The following IQCJ variants were observed in gnomAD, a reference collection of about 807,000 sequenced individuals.
IQCJ encodes the protein IQ motif containing J.
Under a neutral mutation model 11.0 loss-of-function variants are expected in IQCJ, and 9 were observed. That is an observed-to-expected ratio of 0.82 (90% CI 0.49 to 1.43). IQCJ has a LOEUF of 1.43. Ranked by LOEUF, IQCJ falls within the 40% of genes most tolerant of loss-of-function variation. IQCJ has a pLI of 0.00. For missense variants in IQCJ, 146 were observed against 133.2 expected, an observed-to-expected ratio of 1.10 and a Z score of -0.47; for synonymous variants, 55 against 51.3, an observed-to-expected ratio of 1.07 and a Z score of -0.31.
intron 1 of IQCJ, among the ~76,000 whole-genome samples, chr3:159,094,241 G>T (rs981110273): frequency 6.6e-6 from 1 of 150,700 alleles, no homozygotes; most frequent in Non-Finnish European, 1.5e-5. Context: ...TGGCCTCAAG[G>T]TTCTTATGTT....
At chr3:159,158,532 A>G (rs1204745145) in intron 1 of IQCJ, among the ~76,000 whole-genome samples, 1 of 152,230 alleles carries the variant, frequency 6.6e-6, no homozygotes, top group Non-Finnish European at 1.5e-5. Context: ...TGCCAGCATT[A>G]TGATTAGTAC....
chr3:159,091,674 GCACACACACACA>G lies in IQCJ; in HGVS notation c.9+22263_9+22274del, dbSNP rs1170628138. On this transcript the variant is annotated intron_variant, in intron 1 of 3. Transcript: ENST00000397832. ...CACACACACACACACACACACGCATGCACACACACACACACACACACACACACACACACACAC... is the reference window on the plus strand; with the variant it reads ...CACACACACACACACACACACGCATGCACACACACACACACACACACACAC... Among the ~76,000 whole-genome samples, 209 of 81,302 alleles carry G rather than the reference GCACACACACACA, an allele frequency of 2.6e-3. 3 individuals are homozygous for G. The highest frequency in any genetic ancestry group is 7.6e-3 in the South Asian group (27 of 3,552). The allele number at this position is 81,302 out of a possible 152,430, so 53.3% of individuals were successfully genotyped here. A position where few individuals can be genotyped will look rare whatever the true frequency, so the allele number is the denominator to read the frequency against.
rs2108214533 is a variant in IQCJ at position 159,252,644 on chromosome 3, C to G, written c.75-83C>G. ...AATTGAATCTACATCTTATTTTACA[C>G]ATAAGTATAAATTAGCAGTATTATT... On this transcript the variant is annotated intron_variant, in intron 2 of 3. Coordinates refer to ENST00000397832, the MANE Select transcript of IQCJ (RefSeq NM_001042706.3). 3 of 1,198,486 alleles carry G rather than the reference C, an allele frequency of 2.5e-6. No individual in the cohort carries two copies. The South Asian group carries it at 5.4e-5, about 22-fold the overall frequency. 74.2% of individuals were successfully genotyped at this position (1,198,486 alleles called of 1,614,324 possible).
intron 1 of IQCJ, among the ~76,000 whole-genome samples, chr3:159,130,316 G>C (rs569404657): frequency 6.6e-6 from 1 of 152,134 alleles, no homozygotes; most frequent in Non-Finnish European, 1.5e-5. Context: ...GGCAGTATGT[G>C]ATGGAATGCA....
intron 3 of IQCJ, among the ~76,000 whole-genome samples, chr3:159,258,530 T>C (rs1007448195): frequency 6.6e-6 from 1 of 152,146 alleles, no homozygotes; most frequent in Non-Finnish European, 1.5e-5. Flanking sequence ...CACAGTTCAC[T>C]TGTGGTAAGG....
intron 3 of IQCJ, among the ~76,000 whole-genome samples, chr3:159,262,085 G>A (rs1012958267): frequency 8.5e-5 from 13 of 152,190 alleles, no homozygotes; most frequent in South Asian, 8.3e-4. Flanking sequence ...AGCTGTGCAC[G>A]GCAGAGTCCC....
At chr3:159,247,445 G>A (rs1727339391) in intron 2 of IQCJ, among the ~76,000 whole-genome samples, 1 of 152,120 alleles carries the variant, frequency 6.6e-6, no homozygotes, top group African/African-American at 2.4e-5. Flanking sequence ...TGAAAACCAG[G>A]GAAATTTTCC....
intron 1 of IQCJ, among the ~76,000 whole-genome samples, chr3:159,074,990 C>T (rs1715819379): frequency 6.6e-6 from 1 of 151,886 alleles, no homozygotes; most frequent in Non-Finnish European, 1.5e-5. Flanking sequence ...CTCCCACTGC[C>T]CAACTAACAA....
At chr3:159,113,705 C>T (rs1191213884) in intron 1 of IQCJ, among the ~76,000 whole-genome samples, 2 of 152,034 alleles carry the variant, frequency 1.3e-5, no homozygotes, top group Admixed American at 6.5e-5. Context: ...AGGCAAGTGC[C>T]GAGGCAGAGT....
chr3:159,079,107 T>C (rs1716139301), intron 1 of IQCJ, among the ~76,000 whole-genome samples: 1 of 152,112 alleles, frequency 6.6e-6, no homozygotes, highest in African/African-American at 2.4e-5. Context: ...TTCTTCTGTT[T>C]TGAAGGATTC....
chr3:159,071,672 A>T (rs2108041292), intron 1 of IQCJ, among the ~76,000 whole-genome samples: 1 of 152,200 alleles, frequency 6.6e-6, no homozygotes, highest in Non-Finnish European at 1.5e-5. Flanking sequence ...GTGTGGTAAA[A>T]GAAAAACATT....
At chr3:159,200,457 A>C (rs781518618) in intron 1 of IQCJ, among the ~76,000 whole-genome samples, 4 of 152,084 alleles carry the variant, frequency 2.6e-5, no homozygotes, top group Non-Finnish European at 5.9e-5. Flanking sequence ...CAACCACAGG[A>C]ATTTCTTGAG....
chr3:159,158,455 A>G (rs1721657769), intron 1 of IQCJ, among the ~76,000 whole-genome samples: 1 of 152,132 alleles, frequency 6.6e-6, no homozygotes, highest in Non-Finnish European at 1.5e-5. Flanking sequence ...CTGGTGGTTG[A>G]TTGAAAGGGT....
At chr3:159,234,074 T>C (rs866307561) in intron 1 of IQCJ, among the ~76,000 whole-genome samples, 3 of 152,246 alleles carry the variant, frequency 2.0e-5, no homozygotes, top group Middle Eastern at 6.8e-3. Flanking sequence ...GGGAAAAGAG[T>C]GCAGATGATA....
intron 1 of IQCJ, among the ~76,000 whole-genome samples, chr3:159,208,071 A>G (rs1181901533): frequency 6.6e-6 from 1 of 152,150 alleles, no homozygotes; most frequent in Non-Finnish European, 1.5e-5. Context: ...GCAACTTAGA[A>G]GGGAGAAAAA....
intron 1 of IQCJ, among the ~76,000 whole-genome samples, chr3:159,088,636 G>T (rs1716985133): frequency 6.6e-6 from 1 of 152,252 alleles, no homozygotes; most frequent in Non-Finnish European, 1.5e-5. Context: ...AGGATAGTTA[G>T]CTCTTCTTGT....
At chr3:159,170,964 C>G (rs1287610991) in intron 1 of IQCJ, among the ~76,000 whole-genome samples, 1 of 152,164 alleles carries the variant, frequency 6.6e-6, no homozygotes, top group East Asian at 1.9e-4. Flanking sequence ...TAAATAACTT[C>G]TCCAGTTTCT....
intron 1 of IQCJ, among the ~76,000 whole-genome samples, chr3:159,243,039 C>T (rs1164166235): frequency 3.9e-5 from 6 of 151,986 alleles, no homozygotes; most frequent in Non-Finnish European, 7.4e-5. Context: ...AAATTGAAAT[C>T]ACAATAAGAT....
chr3:159,230,052 AC>A (rs897217629), intron 1 of IQCJ, among the ~76,000 whole-genome samples: 12 of 150,430 alleles, frequency 8.0e-5, no homozygotes, highest in African/African-American at 2.9e-4. Flanking sequence ...CCTTACCTCC[AC>A]CCTCTTATAA....
Sources: gnomAD v4.1 joint callset for allele counts (sites outside exome capture counted in the v4.1 genomes callset) on GRCh38, gnomAD v4.1.1 for gene constraint, MANE v1.5 for transcripts, NCBI Gene and HGNC (gene_info 2026-07-23, HGNC 2026-07-21) for gene names.